The following ARHGEF10L variants were observed in gnomAD, a reference collection of about 807,000 sequenced individuals.
ARHGEF10L encodes Rho guanine nucleotide exchange factor 10 like, also known as rho guanine nucleotide exchange factor 10-like protein.
ARHGEF10L carries 69 observed loss-of-function variants against 141.2 expected under a neutral mutation model. That is an observed-to-expected ratio of 0.49 (90% CI 0.40 to 0.60). The LOEUF is 0.60. ARHGEF10L is among the 20% of genes least tolerant of loss of function. The probability of loss-of-function intolerance (pLI) is 0.00; values close to 1 mark genes in which losing one functional copy is unlikely to be tolerated. For synonymous variants in ARHGEF10L, 711 were observed against 718.5 expected, an observed-to-expected ratio of 0.99 and a Z score of 0.17; for missense variants, 1,482 against 1,734.3, an observed-to-expected ratio of 0.85 and a Z score of 2.58.
At chr1:17,634,639 G>A in intron 17 of ARHGEF10L, 77 bp downstream of exon 17, 1 of 1,576,582 alleles carries the variant, frequency 6.3e-7, no homozygotes, top group South Asian at 1.2e-5. Context: ...TCTGGATATG[G>A]GGCTGGGGCC....
rs964301268 is a variant in ARHGEF10L, at chr1:17,666,378, A to G, written c.3009+1783A>G. Among the ~76,000 whole-genome samples the G allele has an allele frequency of 2.0e-5, 3 of 151,942 alleles. No homozygotes were observed. The East Asian group carries it at 5.8e-4, about 29-fold the overall frequency. On this transcript the variant is annotated intron_variant, in intron 26 of 28. Transcript: ENST00000361221. ...AGTTACCCAGCCCAGCTCCTTAGAC[A>G]GAAGGGAGAGGCAGTGCCATGTGCA...
intron 26 of ARHGEF10L, among the ~76,000 whole-genome samples, chr1:17,682,802 C>A (rs148894245): frequency 1.3e-5 from 2 of 152,094 alleles, no homozygotes; most frequent in African/African-American, 2.4e-5. Flanking sequence ...AGTAGGACAG[C>A]CCCTGACCCC....
intron 9 of ARHGEF10L, chr1:17,618,530 C>G (rs2059933790): frequency 7.1e-7 from 1 of 1,406,916 alleles, no homozygotes; most frequent in Non-Finnish European, 9.3e-7. Flanking sequence ...CAGGTAAGGG[C>G]CTATTGGGGT....
rs2060330883 is a variant in ARHGEF10L at position 17,625,456 on chromosome 1, C to T, written c.1318-500C>T. Reference sequence around the variant, plus strand: ...TGGGGAGCCATTGAAGGATTTTGAGCTAGGGTAGATGGAAGTGGAGGCAGG... The same window carrying T: ...TGGGGAGCCATTGAAGGATTTTGAGTTAGGGTAGATGGAAGTGGAGGCAGG... On this transcript the variant is annotated intron_variant, in intron 13 of 28. Coordinates refer to ENST00000361221, the MANE Select transcript of ARHGEF10L (RefSeq NM_018125.4). This position sits in a 1 kb window ranked among gnomAD's most constrained non-coding sequence, Gnocchi z 4.5. 6.6e-6 allele frequency among the ~76,000 whole-genome samples: 1 copy of T among 152,086 alleles called. No individual in the cohort carries two copies. Among genetic ancestry groups the T allele is most frequent in the African/African-American group, 2.4e-5 (1 of 41,400 alleles).
chr1:17,694,964 C>T (rs1054231462), intron 27 of ARHGEF10L, 194 bp from the exon 28 acceptor site: 16 of 781,700 alleles, frequency 2.0e-5, no homozygotes, highest in Non-Finnish European at 3.6e-5. Flanking sequence ...GGGGAGTGCT[C>T]AGCTGCAGGA....
intron 25 of ARHGEF10L, among the ~76,000 whole-genome samples, chr1:17,661,459 A>C (rs1371076277): frequency 6.6e-6 from 1 of 152,192 alleles, no homozygotes; most frequent in African/African-American, 2.4e-5. Context: ...TCGACTTCTT[A>C]GAGGATTTCT....
chr1:17,663,720 A>G (rs2062787514), intron 25 of ARHGEF10L, among the ~76,000 whole-genome samples: 2 of 152,156 alleles, frequency 1.3e-5, no homozygotes, highest in African/African-American at 4.8e-5. Context: ...AGCATCAGAA[A>G]AGTCCTCAGA....
intron 26 of ARHGEF10L, among the ~76,000 whole-genome samples, chr1:17,683,911 C>A (rs929928799): frequency 6.6e-6 from 1 of 152,196 alleles, no homozygotes; most frequent in African/African-American, 2.4e-5. Flanking sequence ...GTGCGCTTGG[C>A]TTTTTCGGAG....
At chr1:17,556,889 G>T (rs1481159280) in intron 1 of ARHGEF10L, among the ~76,000 whole-genome samples, 1 of 152,210 alleles carries the variant, frequency 6.6e-6, no homozygotes, top group Non-Finnish European at 1.5e-5. Context: ...GGGCACAGCG[G>T]CACTTGCCTA....
the ARHGEF10L span, among the ~76,000 whole-genome samples, chr1:17,530,025 G>A: frequency 6.6e-6 from 1 of 151,828 alleles, no homozygotes; most frequent in African/African-American, 2.4e-5. Context: ...TAGAGATGGG[G>A]TTTCACCATG....
intron 21 of ARHGEF10L, among the ~76,000 whole-genome samples, chr1:17,645,682 C>T (rs1238149045): frequency 6.6e-6 from 1 of 152,228 alleles, no homozygotes; most frequent in East Asian, 1.9e-4. Flanking sequence ...AGCGCTGGCA[C>T]ACTAGCAGAG....
At chr1:17,676,810 A>T (rs2063753499) in intron 26 of ARHGEF10L, among the ~76,000 whole-genome samples, 2 of 151,650 alleles carry the variant, frequency 1.3e-5, no homozygotes, top group Non-Finnish European at 2.9e-5. Flanking sequence ...CTGTTCCCCC[A>T]GGCCTTTGCA....
At chr1:17,527,559 A>T in the ARHGEF10L span, among the ~76,000 whole-genome samples, 4 of 152,270 alleles carry the variant, frequency 2.6e-5, no homozygotes, top group South Asian at 8.3e-4. Flanking sequence ...AGAGACCTGT[A>T]GTTTGGGATT....
chr1:17,614,908 T>G (rs1045203620), intron 8 of ARHGEF10L, among the ~76,000 whole-genome samples: 5 of 151,944 alleles, frequency 3.3e-5, no homozygotes, highest in Admixed American at 3.3e-4. Context: ...GATACTTAAG[T>G]GGGGACCAAA....
At chr1:17,663,495 A>G (rs1335152043) in intron 25 of ARHGEF10L, among the ~76,000 whole-genome samples, 1 of 151,278 alleles carries the variant, frequency 6.6e-6, no homozygotes, top group East Asian at 2.0e-4. Flanking sequence ...CAGAGGTTGC[A>G]GTGAGCCAAG....
Position 17,675,645 on chromosome 1 carries a change from GTGT to G in ARHGEF10L, c.3009+11053_3009+11055del, listed in dbSNP as rs1025487282. Among the ~76,000 whole-genome samples, 11 of 150,860 alleles carry G rather than the reference GTGT, an allele frequency of 7.3e-5. No homozygotes were observed. In the East Asian group the frequency reaches 2.0e-3, roughly 27 times the overall value. On this transcript the variant is annotated intron_variant, in intron 26 of 28. Coordinates refer to ENST00000361221, the MANE Select transcript of ARHGEF10L (RefSeq NM_018125.4). ...AGTGTGGGGATAGGTTTGTGTGCAG[GTGT>G]TGGTGCAGGCATGGGTGCAGGTGTG...
At chr1:17,514,125 C>CTTT in the ARHGEF10L span, among the ~76,000 whole-genome samples, 19 of 40,478 alleles carry the variant, frequency 4.7e-4, 1 homozygote, top group South Asian at 1.6e-3. Context: ...CACCCAGCCT[C>CTTT]TTTTTTTTTT....
Position 17,633,239 on chromosome 1 carries a change from C to T in ARHGEF10L, c.1730+773C>T, listed in dbSNP as rs553482774. On this transcript the variant is annotated intron_variant, in intron 16 of 28. Transcript: ENST00000361221. The stretch of plus-strand genomic sequence containing the variant: ...CACCTGCTCGCATCCCCTGCTTGGT[C>T]CTGCAGGGGACCCTGTATCAAATAC... Among the ~76,000 whole-genome samples, 6 of 152,366 alleles carry T rather than the reference C, an allele frequency of 3.9e-5. No individual in the cohort carries two copies. The South Asian group carries it at 6.2e-4, about 16-fold the overall frequency.
chr1:17,634,446 C>T lies in ARHGEF10L; in HGVS notation c.1731-102C>T, dbSNP rs200984717. 3.3e-4 allele frequency: 517 copies of T among 1,583,846 alleles called. 6 individuals carry two copies. The Middle Eastern group carries it at 0.015, about 44-fold the overall frequency. The stretch of plus-strand genomic sequence containing the variant: ...AGGAGGCTGTCTCTCCTTCTATTCC[C>T]GATGCCCAGCCCCATGGCTGGCCCC... On this transcript the variant is annotated intron_variant, in intron 16 of 28. Coordinates refer to ENST00000361221, the MANE Select transcript of ARHGEF10L (RefSeq NM_018125.4).
Sources: allele counts gnomAD v4.1 joint callset (sites outside exome capture counted in the v4.1 genomes callset), GRCh38; gene constraint gnomAD v4.1.1; non-coding constraint Gnocchi (gnomAD v3.1); transcripts MANE v1.5; gene names NCBI Gene and HGNC (gene_info 2026-07-23, HGNC 2026-07-21).